ZBTB8OS: variants seen among roughly 807,000 people sequenced by gnomAD.
The protein encoded by ZBTB8OS is tRNA-splicing ligase-activating factor archease.
In ZBTB8OS, 16 loss-of-function variants were observed where a neutral mutation model predicts 29.3. The observed-to-expected ratio is 0.55, with a 90% CI of 0.37 to 0.83. ZBTB8OS has a LOEUF of 0.83. ZBTB8OS is among the 40% of genes least tolerant of loss of function. The probability of loss-of-function intolerance (pLI) is 0.00; values close to 1 mark genes in which losing one functional copy is unlikely to be tolerated. For synonymous variants in ZBTB8OS, 70 were observed against 64.6 expected (o/e 1.08, Z -0.40); for missense variants, 160 against 196.9 (o/e 0.81, Z 1.12).
chr1:32,650,650 C>T, upstream of ZBTB8OS: 3 of 1,562,922 alleles, frequency 1.9e-6, no homozygotes, highest in South Asian at 2.3e-5. Flanking sequence ...ACTCCTTTCT[C>T]GGAGTTGGCT....
Position 32,621,967 on chromosome 1 carries a change from A to T in ZBTB8OS, c.418-19T>A. The stretch of plus-strand genomic sequence containing the variant: ...CTGTTCCCTAAAGTTGGGGTTAGAG[A>T]AAAAAAAAAAAAAAAGGAAAATAGG... On this transcript the variant is annotated intron_variant, in intron 6 of 6. Coordinates refer to ENST00000468695, the MANE Select transcript of ZBTB8OS (RefSeq NM_178547.5). 1.8e-4 allele frequency: 72 copies of T among 406,092 alleles called. No individual in the cohort carries two copies. The highest frequency in any genetic ancestry group is 2.0e-4 in the Non-Finnish European group (58 of 291,032). The allele number at this position is 406,092 out of a possible 1,614,324, so 25.2% of individuals were successfully genotyped here.
upstream of ZBTB8OS, chr1:32,650,849 A>G: frequency 4.0e-6 from 2 of 498,184 alleles, no homozygotes; most frequent in South Asian, 5.3e-5. Context: ...CCCAAAATTG[A>G]TAACTAGACC....
chr1:32,642,514 A>AT (rs1646490393), intron 1 of ZBTB8OS, among the ~76,000 whole-genome samples: 1 of 151,292 alleles, frequency 6.6e-6, no homozygotes, highest in Non-Finnish European at 1.5e-5. Context: ...AAAAAAAAAA[A>AT]GAAAAAAAAA....
At chr1:32,627,594 G>T in intron 5 of ZBTB8OS, 50 bp from the exon 6 acceptor site, 1 of 1,566,336 alleles carries the variant, frequency 6.4e-7, no homozygotes, top group Non-Finnish European at 8.8e-7. Context: ...CTCTTTATAT[G>T]TTTTAAAATA....
At chr1:32,627,717 G>A (rs1645222943) in intron 5 of ZBTB8OS, 173 bp from the exon 6 acceptor site, 1 of 616,478 alleles carries the variant, frequency 1.6e-6, no homozygotes, top group East Asian at 2.8e-5. Context: ...AGGGACGTGT[G>A]TGCAGTGTCA....
At chr1:32,627,698 C>T (rs1020469505) in intron 5 of ZBTB8OS, 154 bp from the exon 6 acceptor site, 15 of 670,792 alleles carry the variant, frequency 2.2e-5, no homozygotes, top group Middle Eastern at 7.5e-4. Flanking sequence ...TCAGAAGATA[C>T]AGCTGTTGAG....
chr1:32,636,090 C>G (rs1453923799), intron 1 of ZBTB8OS, among the ~76,000 whole-genome samples: 3 of 152,152 alleles, frequency 2.0e-5, no homozygotes, highest in African/African-American at 7.2e-5. Flanking sequence ...TTATCTGGCT[C>G]AACCAGTTTT....
intron 1 of ZBTB8OS, among the ~76,000 whole-genome samples, chr1:32,644,700 C>T (rs684583): frequency 0.013 from 1,949 of 148,028 alleles, 37 homozygotes; most frequent in African/African-American, 0.045. Context: ...GCCACCACAC[C>T]CAGCTTTTTT....
At chr1:32,638,146 T>C (rs1160631672) in intron 1 of ZBTB8OS, among the ~76,000 whole-genome samples, 1 of 151,638 alleles carries the variant, frequency 6.6e-6, no homozygotes, top group African/African-American at 2.4e-5. Context: ...CTAAATTATA[T>C]TTCAATTAAA....
At chr1:32,646,104 G>A (rs1469045596) in intron 1 of ZBTB8OS, among the ~76,000 whole-genome samples, 1 of 152,112 alleles carries the variant, frequency 6.6e-6, no homozygotes, top group Non-Finnish European at 1.5e-5. Context: ...CAGATCATCT[G>A]AGGTCAGGAA....
chr1:32,624,266 A>G (rs1644949804), intron 6 of ZBTB8OS, among the ~76,000 whole-genome samples: 1 of 152,116 alleles, frequency 6.6e-6, no homozygotes, highest in African/African-American at 2.4e-5. Flanking sequence ...CTCTTACCTT[A>G]TCCTGATGGC....
At chr1:32,642,278 C>T (rs1262125472) in intron 1 of ZBTB8OS, among the ~76,000 whole-genome samples, 2 of 152,074 alleles carry the variant, frequency 1.3e-5, no homozygotes, top group African/African-American at 4.8e-5. Flanking sequence ...CCAAGGCAGG[C>T]AAATCACCTG....
At chr1:32,639,646 T>C (rs1646250837) in intron 1 of ZBTB8OS, among the ~76,000 whole-genome samples, 1 of 151,896 alleles carries the variant, frequency 6.6e-6, no homozygotes, top group Non-Finnish European at 1.5e-5. Context: ...TAGTCCCAGC[T>C]ACTTGGGAGG....
intron 6 of ZBTB8OS, among the ~76,000 whole-genome samples, chr1:32,626,482 C>T (rs1274358986): frequency 6.6e-6 from 1 of 152,210 alleles, no homozygotes; most frequent in Non-Finnish European, 1.5e-5. Flanking sequence ...ATATAGCCCA[C>T]AGGCCAAATT....
Position 32,634,770 on chromosome 1 carries a change from G to A in ZBTB8OS, c.120C>T (p.Val40=), listed in dbSNP as rs1429565255. 23 of 1,613,558 alleles carry A rather than the reference G, an allele frequency of 1.4e-5. No individual in the cohort carries two copies. The highest frequency in any genetic ancestry group is 1.9e-5 in the Non-Finnish European group (23 of 1,179,704). The change falls in exon 2 of 7, where the codon GTC becomes GTT. Residue 40 remains valine (V), a splice_region_variant and synonymous_variant. Coordinates refer to ENST00000468695, the MANE Select transcript of ZBTB8OS (RefSeq NM_178547.5). ...KYEYLDHTAD[V]QLHAWGDTLE... is the part of the protein sequence containing the mutation. ...GAATGAACTCCCGCTATACTCACTG[G>A]ACATCTGCTGTATGATCCAAATCTG...
At chr1:32,645,640 G>A (rs1570729132) in intron 1 of ZBTB8OS, among the ~76,000 whole-genome samples, 1 of 152,068 alleles carries the variant, frequency 6.6e-6, no homozygotes, top group East Asian at 1.9e-4. Context: ...CCAAAAGATA[G>A]AGCCCAGCCT....
At chr1:32,627,102 T>TAG (rs1645183028) in intron 6 of ZBTB8OS, among the ~76,000 whole-genome samples, 1 of 152,146 alleles carries the variant, frequency 6.6e-6, no homozygotes, top group South Asian at 2.1e-4. Context: ...AGAAAAAAAC[T>TAG]GCCAACTCCT....
chr1:32,636,820 C>A (rs368531788), intron 1 of ZBTB8OS, among the ~76,000 whole-genome samples: 85 of 152,050 alleles, frequency 5.6e-4, no homozygotes, highest in African/African-American at 1.9e-3. Context: ...TTTGTTCTAG[C>A]AAACACCTTA....
At chr1:32,638,998 T>G (rs1646203120) in intron 1 of ZBTB8OS, among the ~76,000 whole-genome samples, 2 of 152,124 alleles carry the variant, frequency 1.3e-5, no homozygotes, top group African/African-American at 4.8e-5. Flanking sequence ...TTTATTTATC[T>G]TAAAGATGGA....
Sources: allele counts gnomAD v4.1 joint callset (sites outside exome capture counted in the v4.1 genomes callset), GRCh38; gene constraint gnomAD v4.1.1; transcripts MANE v1.5; gene names NCBI Gene and HGNC (gene_info 2026-07-23, HGNC 2026-07-21).